The following RABGAP1L variants were observed in gnomAD, a reference collection of about 807,000 sequenced individuals.
RABGAP1L encodes RAB GTPase activating protein 1 like, also known as rab GTPase-activating protein 1-like.
In RABGAP1L, 63 loss-of-function variants were observed where a neutral mutation model predicts 137.7. That is an observed-to-expected ratio of 0.46 (90% confidence interval 0.37 to 0.56). The LOEUF (loss-of-function observed/expected upper bound fraction) is 0.56, where lower values mean the gene tolerates loss of function less well. Ranked by LOEUF, RABGAP1L falls within the 20% of genes least tolerant of loss-of-function variation. The probability of loss-of-function intolerance (pLI) is 0.00; values close to 1 mark genes in which losing one functional copy is unlikely to be tolerated. For missense variants in RABGAP1L, 1,095 were observed against 1,244.0 expected (o/e 0.88, Z 1.80); for synonymous variants, 431 against 433.7 (o/e 0.99, Z 0.08).
rs1009439872 is a variant in RABGAP1L, at chr1:174,994,158, T to C, written c.*4157T>C. On this transcript the variant is annotated 3_prime_UTR_variant, in exon 26 of 26. Transcript: ENST00000681986. ...CTCTCTCATAATGGCTTCCATTTAATACAGGCAAAGCCCTTTACCTTAGCA... is the reference window on the plus strand; with the variant it reads ...CTCTCTCATAATGGCTTCCATTTAACACAGGCAAAGCCCTTTACCTTAGCA... 2 of 152,260 alleles carry C rather than the reference T, an allele frequency of 1.3e-5. No homozygotes were observed. The highest frequency in any genetic ancestry group is 2.9e-5 in the Non-Finnish European group (2 of 68,052). 9.4% of individuals were successfully genotyped at this position (152,260 alleles called of 1,614,324 possible). A position where few individuals can be genotyped will look rare whatever the true frequency, so the allele number is the denominator to read the frequency against.
At chr1:174,511,779 C>T (rs1366030928) in intron 13 of RABGAP1L, among the ~76,000 whole-genome samples, 3 of 152,074 alleles carry the variant, frequency 2.0e-5, no homozygotes, top group Non-Finnish European at 2.9e-5. Context: ...TGCACCACCA[C>T]ACCCAGCTGA....
rs760181639 is a variant in RABGAP1L, at chr1:174,833,449, GATAT to G, written c.2340+21505_2340+21508del. Among the ~76,000 whole-genome samples the G allele has an allele frequency of 4.7e-4, 13 of 27,854 alleles. 4 individuals are homozygous for G. Among genetic ancestry groups the G allele is most frequent in the Middle Eastern group, 0.05 (2 of 40 alleles). 18.3% of individuals were successfully genotyped at this position (27,854 alleles called of 152,430 possible). On this transcript the variant is annotated intron_variant, in intron 19 of 25. Coordinates refer to ENST00000681986, the MANE Select transcript of RABGAP1L (RefSeq NM_001366446.1). The stretch of plus-strand genomic sequence containing the variant: ...ATATATATATGTGTGTGTGTGTAGA[GATAT>G]ATATATATATATATAGTAGAGACAG...
At chr1:174,655,750 G>A (rs969462376) in intron 14 of RABGAP1L, among the ~76,000 whole-genome samples, 1 of 152,064 alleles carries the variant, frequency 6.6e-6, no homozygotes, top group Non-Finnish European at 1.5e-5. Flanking sequence ...TCAATGGATT[G>A]TATTTCCTTG....
At chr1:174,495,313 A>G (rs1199321077) in intron 13 of RABGAP1L, among the ~76,000 whole-genome samples, 1 of 152,138 alleles carries the variant, frequency 6.6e-6, no homozygotes, top group East Asian at 1.9e-4. Flanking sequence ...AGGGATTATT[A>G]AAACAATATA....
intron 13 of RABGAP1L, among the ~76,000 whole-genome samples, chr1:174,435,017 A>C (rs1246120857): frequency 6.6e-6 from 1 of 152,098 alleles, no homozygotes; most frequent in African/African-American, 2.4e-5. Flanking sequence ...CAGTATCCTA[A>C]TAAGTCTTTG....
At chr1:174,353,522 G>C (rs1683368581) in intron 11 of RABGAP1L, among the ~76,000 whole-genome samples, 3 of 152,104 alleles carry the variant, frequency 2.0e-5, no homozygotes. Flanking sequence ...GTTTATTTAG[G>C]ACCCCTAATA....
intron 18 of RABGAP1L, among the ~76,000 whole-genome samples, chr1:174,808,953 G>A (rs1179133535): frequency 4.6e-5 from 7 of 151,932 alleles, no homozygotes; most frequent in Non-Finnish European, 7.4e-5. Flanking sequence ...CACCAAGCAC[G>A]GCCTCATTCT....
chr1:174,364,792 A>T (rs537207118), intron 11 of RABGAP1L, among the ~76,000 whole-genome samples: 1 of 152,096 alleles, frequency 6.6e-6, no homozygotes, highest in African/African-American at 2.4e-5. Flanking sequence ...GGTGTACTCC[A>T]TGGGTATCAG....
chr1:174,342,820 C>T (rs975005926), intron 11 of RABGAP1L, among the ~76,000 whole-genome samples: 1 of 151,416 alleles, frequency 6.6e-6, no homozygotes. Flanking sequence ...CTCACTGCAA[C>T]TTCCGACTCC....
At chr1:174,292,437 C>A (rs1676723786) in intron 10 of RABGAP1L, among the ~76,000 whole-genome samples, 1 of 146,762 alleles carries the variant, frequency 6.8e-6, no homozygotes, top group South Asian at 2.2e-4. Context: ...ATTCCATGAA[C>A]CTTAATATAT....
intron 13 of RABGAP1L, among the ~76,000 whole-genome samples, chr1:174,434,942 T>G (rs1207882511): frequency 6.6e-6 from 1 of 152,232 alleles, no homozygotes; most frequent in Non-Finnish European, 1.5e-5. Context: ...CTTAATGATG[T>G]CTTTTGCTAA....
chr1:174,161,404 G>A (rs1392139299), intron 1 of RABGAP1L, among the ~76,000 whole-genome samples: 1 of 152,040 alleles, frequency 6.6e-6, no homozygotes, highest in African/African-American at 2.4e-5. Flanking sequence ...CGCCACGCCT[G>A]GCTAATTTTG....
intron 19 of RABGAP1L, among the ~76,000 whole-genome samples, chr1:174,948,232 A>G (rs1157935771): frequency 6.6e-6 from 1 of 152,164 alleles, no homozygotes; most frequent in Non-Finnish European, 1.5e-5. Flanking sequence ...CTAAAAGAGT[A>G]TAATTGGGCT....
chr1:174,639,983 A>G (rs1389818475), intron 14 of RABGAP1L, among the ~76,000 whole-genome samples: 1 of 152,204 alleles, frequency 6.6e-6, no homozygotes, highest in Non-Finnish European at 1.5e-5. Context: ...TATATCTGAG[A>G]TACTTTATTA....
intron 20 of RABGAP1L, among the ~76,000 whole-genome samples, chr1:174,959,163 G>A (rs1290637374): frequency 1.3e-5 from 2 of 152,166 alleles, no homozygotes; most frequent in African/African-American, 2.4e-5. Flanking sequence ...ACTATTAACA[G>A]ATAATGTTTG....
chr1:174,207,789 G>T (rs998993979), intron 1 of RABGAP1L, among the ~76,000 whole-genome samples: 2 of 151,994 alleles, frequency 1.3e-5, no homozygotes, highest in Non-Finnish European at 2.9e-5. Flanking sequence ...AAAATATAGG[G>T]GTATTCAAGT....
intron 12 of RABGAP1L, among the ~76,000 whole-genome samples, chr1:174,387,279 G>C (rs1485448496): frequency 6.6e-6 from 1 of 151,940 alleles, no homozygotes; most frequent in Non-Finnish European, 1.5e-5. Flanking sequence ...TCTTTCTTGG[G>C]GACTTTAACA....
chr1:174,934,458 T>C (rs1400610100), intron 19 of RABGAP1L, among the ~76,000 whole-genome samples: 4 of 152,114 alleles, frequency 2.6e-5, no homozygotes, highest in African/African-American at 9.7e-5. Flanking sequence ...GAACTGTTAC[T>C]CTCCCGTACT....
chr1:174,520,774 A>AGG (rs1386355416), intron 13 of RABGAP1L, among the ~76,000 whole-genome samples: 1 of 152,120 alleles, frequency 6.6e-6, no homozygotes, highest in Non-Finnish European at 1.5e-5. Context: ...AGGCTGAGGC[A>AGG]GGGAGATCAT....
Sources: allele counts gnomAD v4.1 joint callset (sites outside exome capture counted in the v4.1 genomes callset), GRCh38; gene constraint gnomAD v4.1.1; transcripts MANE v1.5; gene names NCBI Gene and HGNC (gene_info 2026-07-23, HGNC 2026-07-21).